Variants in TMA16 observed in about 807,000 individuals in gnomAD.
TMA16 encodes the protein translation machinery associated 16 homolog.
In TMA16, 26 loss-of-function variants were observed where a neutral mutation model predicts 27.1. The ratio of observed to expected loss-of-function variants is 0.96; its 90% CI spans 0.70 to 1.33. TMA16 has a LOEUF of 1.33. TMA16 is among the 40% of genes most tolerant of loss of function. The probability of loss-of-function intolerance (pLI) is 0.00; values close to 1 mark genes in which losing one functional copy is unlikely to be tolerated. For missense variants in TMA16, 233 were observed against 241.4 expected (o/e 0.97, Z 0.23); for synonymous variants, 71 against 81.9 (o/e 0.87, Z 0.72).
chr4:163,503,789 A>C (rs1737681533), intron 1 of TMA16, among the ~76,000 whole-genome samples: 1 of 152,132 alleles, frequency 6.6e-6, no homozygotes, highest in Admixed American at 6.5e-5. Context: ...CCCTGTTGAA[A>C]CATTTTTTTC....
intron 2 of TMA16, among the ~76,000 whole-genome samples, chr4:163,507,820 T>C (rs1465586028): frequency 6.6e-6 from 1 of 152,002 alleles, no homozygotes; most frequent in African/African-American, 2.4e-5. Context: ...TGAAGTGAAG[T>C]TCAAATAAAC....
intron 1 of TMA16, among the ~76,000 whole-genome samples, chr4:163,506,501 A>G (rs1380470731): frequency 6.6e-6 from 1 of 152,164 alleles, no homozygotes; most frequent in African/African-American, 2.4e-5. Flanking sequence ...GGAAAATGAT[A>G]CATTTTTCCT....
intron 2 of TMA16, among the ~76,000 whole-genome samples, chr4:163,509,093 A>G (rs1489622171): frequency 1.3e-5 from 2 of 152,224 alleles, no homozygotes; most frequent in African/African-American, 4.8e-5. Flanking sequence ...CAAATATACA[A>G]TTTTAATAGT....
intron 1 of TMA16, among the ~76,000 whole-genome samples, chr4:163,501,259 G>A (rs1393690025): frequency 1.3e-5 from 2 of 152,140 alleles, no homozygotes; most frequent in African/African-American, 4.8e-5. Flanking sequence ...AATTTCCTGT[G>A]TTATTATTCT....
rs1737939691 is a variant in TMA16, at chr4:163,519,633, GT to G, written c.*122del. 1 of 996,230 alleles carries G rather than the reference GT, an allele frequency of 1.0e-6. No homozygotes were observed. The highest frequency in any genetic ancestry group is 1.7e-5 in the African/African-American group (1 of 57,890). The allele number at this position is 996,230 out of a possible 1,614,324, so 61.7% of individuals were successfully genotyped here. ...ACTGACATTCTCTTATATGATGAGA[GT>G]TTCATTTGCGTTTCAAAAATGGTGT... On this transcript the variant is annotated 3_prime_UTR_variant, in exon 7 of 7. Transcript: ENST00000358572.
intron 1 of TMA16, among the ~76,000 whole-genome samples, chr4:163,505,158 A>G (rs187738456): frequency 1.3e-5 from 2 of 152,206 alleles, no homozygotes; most frequent in African/African-American, 4.8e-5. Context: ...TATTGGGTCC[A>G]TCTTAGAGGC....
intron 1 of TMA16, 81 bp downstream of exon 1, chr4:163,494,885 G>T: frequency 6.3e-7 from 1 of 1,590,290 alleles, no homozygotes; most frequent in South Asian, 1.1e-5. Flanking sequence ...GGGAGGGTGC[G>T]GTTTCGGGAA....
intron 2 of TMA16, among the ~76,000 whole-genome samples, chr4:163,508,244 A>C (rs1433067025): frequency 6.6e-6 from 1 of 152,110 alleles, no homozygotes; most frequent in Non-Finnish European, 1.5e-5. Flanking sequence ...AGTACATGAA[A>C]TACATCTGTA....
At chr4:163,507,182 A>T in intron 2 of TMA16, 37 bp downstream of exon 2, 1 of 1,511,962 alleles carries the variant, frequency 6.6e-7, no homozygotes, top group Non-Finnish European at 9.0e-7. Flanking sequence ...ACTCGTTGGT[A>T]AAAAGCCCCT....
intron 5 of TMA16, chr4:163,516,001 A>G (rs922279438): frequency 6.5e-6 from 1 of 154,092 alleles, no homozygotes; most frequent in African/African-American, 2.4e-5. Flanking sequence ...TTTGACTACT[A>G]CTACTACCAT....
At chr4:163,507,957 A>T (rs1737741208) in intron 2 of TMA16, among the ~76,000 whole-genome samples, 1 of 152,006 alleles carries the variant, frequency 6.6e-6, no homozygotes, top group Non-Finnish European at 1.5e-5. Context: ...AGCTTTATAT[A>T]GTAAAGGTTA....
chr4:163,511,800 G>C (rs141489554), intron 2 of TMA16, among the ~76,000 whole-genome samples: 1 of 152,012 alleles, frequency 6.6e-6, no homozygotes, highest in African/African-American at 2.4e-5. Flanking sequence ...AGTCCTGCTC[G>C]AGCTACACAG....
chr4:163,506,089 G>A (rs574212493), intron 1 of TMA16, among the ~76,000 whole-genome samples: 1 of 152,248 alleles, frequency 6.6e-6, no homozygotes, highest in South Asian at 2.1e-4. Context: ...TGAGCAAAAG[G>A]ATCTGCAACT....
In TMA16 at chr4:163,514,508, A is replaced by G. The variant is rs564171255; in HGVS notation, c.239+350A>G. On this transcript the variant is annotated intron_variant, in intron 4 of 6. Transcript: ENST00000358572. ...AAGTGAGAATGAAGATAACGTATTT[A>G]GTGATCTGCCAGACATTTAATATGA... Among the ~76,000 whole-genome samples, 5 of 152,356 alleles carry G rather than the reference A, an allele frequency of 3.3e-5. No individual in the cohort carries two copies. In the South Asian group the frequency reaches 8.3e-4, roughly 25 times the overall value.
chr4:163,494,797 T>G lies in TMA16; in HGVS notation c.-5T>G. 6.2e-7 allele frequency: 1 copy of G among 1,612,596 alleles called. No homozygotes were observed. The highest frequency in any genetic ancestry group is 8.5e-7 in the Non-Finnish European group (1 of 1,180,022). On this transcript the variant is annotated 5_prime_UTR_variant, in exon 1 of 7. Coordinates refer to ENST00000358572, the MANE Select transcript of TMA16 (RefSeq NM_018352.3). Reference sequence around the variant, plus strand: ...GAGCTGCTCCGTGGCCACGAGGACGTCACCATGGTGGGCCCCCTCCTGCTC... The same window carrying G: ...GAGCTGCTCCGTGGCCACGAGGACGGCACCATGGTGGGCCCCCTCCTGCTC...
intron 1 of TMA16, among the ~76,000 whole-genome samples, chr4:163,506,178 C>G (rs1737716349): frequency 6.6e-6 from 1 of 151,876 alleles, no homozygotes; most frequent in African/African-American, 2.4e-5. Flanking sequence ...TGAGTGTAGA[C>G]CTGGTATTAG....
At chr4:163,494,951 G>A in intron 1 of TMA16, 147 bp downstream of exon 1, 2 of 1,218,436 alleles carry the variant, frequency 1.6e-6, no homozygotes, top group Non-Finnish European at 2.3e-6. Flanking sequence ...CGGGGTGCGG[G>A]GCGAAGCCTC....
chr4:163,500,573 G>A (rs940221195), intron 1 of TMA16, among the ~76,000 whole-genome samples: 2 of 152,142 alleles, frequency 1.3e-5, no homozygotes, highest in Middle Eastern at 3.2e-3. Context: ...GGTCATGGTG[G>A]TTGGTGGATT....
chr4:163,518,711 C>T (rs1051347295), intron 6 of TMA16, among the ~76,000 whole-genome samples: 1 of 152,054 alleles, frequency 6.6e-6, no homozygotes, highest in Admixed American at 6.6e-5. Context: ...GTTTAAGGTG[C>T]AGTTCACTTT....
Sources: gnomAD v4.1 joint callset for allele counts (sites outside exome capture counted in the v4.1 genomes callset) on GRCh38, gnomAD v4.1.1 for gene constraint, MANE v1.5 for transcripts, NCBI Gene and HGNC (gene_info 2026-07-23, HGNC 2026-07-21) for gene names.